CTXND1: variants seen among roughly 807,000 people sequenced by gnomAD.
CTXND1 encodes cortexin domain containing 1, also known as cortexin domain-containing 1 protein.
intron 1 of CTXND1, among the ~76,000 whole-genome samples, chr15:80,248,497 T>A (rs1370608043): frequency 6.6e-6 from 1 of 152,218 alleles, no homozygotes; most frequent in Non-Finnish European, 1.5e-5. Flanking sequence ...TTGTCTACAG[T>A]ACCTAACTAG....
intron 1 of CTXND1, among the ~76,000 whole-genome samples, chr15:80,244,055 T>G (rs1174858977): frequency 6.6e-6 from 1 of 152,184 alleles, no homozygotes; most frequent in Non-Finnish European, 1.5e-5. Context: ...CCTGCATCTC[T>G]GCATCCATGG....
In CTXND1 at chr15:80,197,444, C is replaced by G. The variant is rs1415953649; in HGVS notation, c.*4326G>C. ...CCTCTGTAAATATTCTTTCATTAAA[C>G]TGTCTTCAATCAGTGCTTCGTGTGT... On this transcript the variant is annotated 3_prime_UTR_variant, in exon 3 of 3. Transcript: ENST00000560778. 2.0e-5 allele frequency: 3 copies of G among 152,226 alleles called. No individual in the cohort carries two copies. The highest frequency in any genetic ancestry group is 7.2e-5 in the African/African-American group (3 of 41,458). The allele number at this position is 152,226 out of a possible 1,614,324, so 9.4% of individuals were successfully genotyped here.
chr15:80,240,217 G>A (rs979544619), intron 1 of CTXND1, among the ~76,000 whole-genome samples: 4 of 152,060 alleles, frequency 2.6e-5, no homozygotes, highest in South Asian at 4.1e-4. Context: ...CGCCTGCCTC[G>A]GCCTCCCAAA....
At chr15:80,231,677 G>T (rs1322349487) in intron 1 of CTXND1, among the ~76,000 whole-genome samples, 2 of 152,016 alleles carry the variant, frequency 1.3e-5, no homozygotes, top group Non-Finnish European at 2.9e-5. Context: ...TTTTCTACAT[G>T]CCTCCTGTAA....
intron 1 of CTXND1, among the ~76,000 whole-genome samples, chr15:80,236,113 C>T (rs2028120): frequency 0.18 from 26,801 of 150,026 alleles, 2,901 homozygotes; most frequent in East Asian, 0.38. Context: ...CAGCCTTTTG[C>T]GAAACATCCT....
chr15:80,233,810 G>C (rs1195511916), intron 1 of CTXND1, among the ~76,000 whole-genome samples: 1 of 152,224 alleles, frequency 6.6e-6, no homozygotes, highest in Non-Finnish European at 1.5e-5. Context: ...AGCTGCAGTG[G>C]CTGTGCGCAT....
chr15:80,222,509 T>C (rs1179619750), intron 1 of CTXND1, among the ~76,000 whole-genome samples: 1 of 152,220 alleles, frequency 6.6e-6, no homozygotes, highest in African/African-American at 2.4e-5. Flanking sequence ...CAATTCATGG[T>C]CAATTTTCCC....
intron 1 of CTXND1, among the ~76,000 whole-genome samples, chr15:80,226,944 A>G (rs1893378592): frequency 6.6e-6 from 1 of 152,160 alleles, no homozygotes; most frequent in African/African-American, 2.4e-5. Flanking sequence ...CCATTCTGAA[A>G]TCCTGCCACA....
chr15:80,237,326 C>A (rs1326928512), intron 1 of CTXND1, among the ~76,000 whole-genome samples: 1 of 122,318 alleles, frequency 8.2e-6, no homozygotes, highest in South Asian at 2.6e-4. Flanking sequence ...CAGAGCGAGA[C>A]AGTGTCTCAG....
chr15:80,214,420 A>G (rs903682555), intron 1 of CTXND1, among the ~76,000 whole-genome samples: 2 of 152,182 alleles, frequency 1.3e-5, no homozygotes, highest in African/African-American at 4.8e-5. Flanking sequence ...TCCAAAGGAG[A>G]CATCCACAAA....
At chr15:80,217,382 T>C (rs1437397808) in intron 1 of CTXND1, among the ~76,000 whole-genome samples, 1 of 152,140 alleles carries the variant, frequency 6.6e-6, no homozygotes, top group African/African-American at 2.4e-5. Flanking sequence ...ATATTTTATT[T>C]AGGATTCTTA....
chr15:80,236,255 T>C (rs1359513233), intron 1 of CTXND1, among the ~76,000 whole-genome samples: 1 of 152,072 alleles, frequency 6.6e-6, no homozygotes, highest in Non-Finnish European at 1.5e-5. Context: ...CTTTTTTTAA[T>C]GGTAGGAAAC....
chr15:80,223,213 G>T (rs118059571), intron 1 of CTXND1, among the ~76,000 whole-genome samples: 2,684 of 152,252 alleles, frequency 0.018, 43 homozygotes, highest in South Asian at 0.055. Context: ...GTGCCACCAT[G>T]TCCGGCTAAT....
intron 1 of CTXND1, among the ~76,000 whole-genome samples, chr15:80,216,419 A>G (rs1331531161): frequency 1.3e-5 from 2 of 152,176 alleles, no homozygotes; most frequent in African/African-American, 4.8e-5. Flanking sequence ...GTTTACAGCC[A>G]TGAATTGAGA....
At chr15:80,230,727 G>A (rs1347068113) in intron 1 of CTXND1, among the ~76,000 whole-genome samples, 2 of 152,086 alleles carry the variant, frequency 1.3e-5, no homozygotes. Context: ...CAAGTTCAAA[G>A]TATGGGTATT....
At chr15:80,205,437 A>T (rs140186336) in intron 1 of CTXND1, among the ~76,000 whole-genome samples, 21 of 152,332 alleles carry the variant, frequency 1.4e-4, no homozygotes, top group African/African-American at 5.1e-4. Flanking sequence ...GGTTGTACCT[A>T]TGTAAGCTTC....
chr15:80,210,844 G>C (rs956146192), intron 1 of CTXND1, among the ~76,000 whole-genome samples: 7 of 152,156 alleles, frequency 4.6e-5, no homozygotes, highest in Non-Finnish European at 1.0e-4. Context: ...GCTCCCCAGG[G>C]CTCTCTTCCT....
chr15:80,228,849 T>C (rs562291571), intron 1 of CTXND1, among the ~76,000 whole-genome samples: 1 of 152,008 alleles, frequency 6.6e-6, no homozygotes, highest in African/African-American at 2.4e-5. Context: ...AGGCTGGTCT[T>C]GAACTCCTGA....
At chr15:80,239,516 T>C (rs1893540691) in intron 1 of CTXND1, among the ~76,000 whole-genome samples, 1 of 152,248 alleles carries the variant, frequency 6.6e-6, no homozygotes, top group South Asian at 2.1e-4. Flanking sequence ...GCAGCCTCCC[T>C]GCCTACATCT....
Sources: allele counts gnomAD v4.1 joint callset (sites outside exome capture counted in the v4.1 genomes callset), GRCh38; gene constraint gnomAD v4.1.1; transcripts MANE v1.5; gene names NCBI Gene and HGNC (gene_info 2026-07-23, HGNC 2026-07-21).